ZBTB40: variants seen among roughly 807,000 people sequenced by gnomAD.
The protein encoded by ZBTB40 is zinc finger and BTB domain-containing protein 40.
A neutral mutation model predicts 117.5 loss-of-function variants in ZBTB40; 60 were observed. The observed-to-expected ratio is 0.51, with a 90% CI of 0.41 to 0.63. The LOEUF (loss-of-function observed/expected upper bound fraction) is 0.63, where lower values mean the gene tolerates loss of function less well. ZBTB40 is among the 30% of genes least tolerant of loss of function. ZBTB40 has a pLI of 0.00. For missense variants in ZBTB40, 1,287 were observed against 1,498.5 expected (o/e 0.86, Z 2.33); for synonymous variants, 525 against 577.1 (o/e 0.91, Z 1.29).
chr1:22,524,866 T>C (rs1639634917), intron 17 of ZBTB40, among the ~76,000 whole-genome samples: 1 of 152,164 alleles, frequency 6.6e-6, no homozygotes, highest in South Asian at 2.1e-4. Flanking sequence ...CACCTTTACC[T>C]GGGCAAAAAA....
chr1:22,453,330 T>C (rs112951060), intron 1 of ZBTB40, among the ~76,000 whole-genome samples: 1 of 152,214 alleles, frequency 6.6e-6, no homozygotes, highest in African/African-American at 2.4e-5. Flanking sequence ...GAACACCCCA[T>C]GCATGTACGC....
At chr1:22,464,961 G>C (rs1276604321) in intron 1 of ZBTB40, among the ~76,000 whole-genome samples, 6 of 152,148 alleles carry the variant, frequency 3.9e-5, no homozygotes, top group African/African-American at 1.4e-4. Context: ...GGGATCTTTA[G>C]GGTGTCGATT....
chr1:22,512,091 A>AGTG lies in ZBTB40; in HGVS notation c.2419_2421dup (p.Val807dup), dbSNP rs1557518403. 1 of 1,613,792 alleles carries AGTG rather than the reference A, an allele frequency of 6.2e-7. No individual in the cohort carries two copies. Among genetic ancestry groups the AGTG allele is most frequent in the Non-Finnish European group, 8.5e-7 (1 of 1,180,042 alleles). On this transcript the variant is annotated inframe_insertion, in exon 11 of 18. Transcript: ENST00000375647. ...CCAAGAAGAAGAAGAAGAGGCTTCC[A>AGTG]GTGACATGTGACCTCTGTGGCAGAG...
intron 5 of ZBTB40, among the ~76,000 whole-genome samples, chr1:22,503,501 G>C (rs1001739620): frequency 2.0e-5 from 3 of 152,146 alleles, no homozygotes; most frequent in Non-Finnish European, 2.9e-5. Context: ...GTGTTCAGGA[G>C]AGAAAACGTT....
rs1259339050 is a variant in ZBTB40, at chr1:22,491,432, C to A, written c.730C>A (p.Leu244Ile). 6.2e-7 allele frequency: 1 copy of A among 1,613,942 alleles called. No individual in the cohort carries two copies. The highest frequency in any genetic ancestry group is 1.7e-5 in the Admixed American group (1 of 60,020). Residue 244 changes from leucine (L) to isoleucine (I), a missense_variant, in exon 3 of 18, where the codon CTT (leucine) becomes ATT (isoleucine). Leu to Ile is a conservative substitution (Grantham distance 5, BLOSUM62 2). Around this residue, in one of 2 missense-constraint regions of ZBTB40, gnomAD observed 870 missense variants for 934.4 expected, o/e 0.93. Transcript: ENST00000375647. ...CERKHYQLNFLLENEGVFSDA... is the reference protein window; with the variant it reads ...CERKHYQLNFILENEGVFSDA... ...AAGGAAACACTACCAGCTGAATTTT[C>A]TTCTAGAAAATGAAGGTGTCTTCTC...
At chr1:22,486,095 C>G (rs930711169) in intron 1 of ZBTB40, among the ~76,000 whole-genome samples, 2 of 151,858 alleles carry the variant, frequency 1.3e-5, no homozygotes, top group African/African-American at 4.8e-5. Context: ...TGGGTTTTGT[C>G]TGTTTGTTTG....
chr1:22,464,764 T>C (rs1641212750), intron 1 of ZBTB40, among the ~76,000 whole-genome samples: 2 of 152,230 alleles, frequency 1.3e-5, no homozygotes, highest in Non-Finnish European at 1.5e-5. Context: ...TTAAACCAAA[T>C]TGGAATTATA....
At chr1:22,495,464 C>T (rs554788474) in intron 3 of ZBTB40, among the ~76,000 whole-genome samples, 1 of 152,138 alleles carries the variant, frequency 6.6e-6, no homozygotes, top group South Asian at 2.1e-4. Context: ...TAGAGCCAGA[C>T]TCATACTTTT....
At chr1:22,442,800 A>G (rs764597522) in intron 1 of ZBTB40, among the ~76,000 whole-genome samples, 5 of 152,138 alleles carry the variant, frequency 3.3e-5, no homozygotes, top group African/African-American at 9.7e-5. Context: ...TATCTCCTAT[A>G]TGGTTGTTCT....
At chr1:22,460,321 T>C (rs1454705065) in intron 1 of ZBTB40, among the ~76,000 whole-genome samples, 3 of 152,232 alleles carry the variant, frequency 2.0e-5, no homozygotes, top group Admixed American at 2.0e-4. Context: ...TGGGTCATAG[T>C]ACTTGGTTCT....
At chr1:22,430,513 C>T (rs1283752987) in intron 1 of ZBTB40, among the ~76,000 whole-genome samples, 1 of 152,138 alleles carries the variant, frequency 6.6e-6, no homozygotes, top group African/African-American at 2.4e-5. Context: ...ATTGCTTGAG[C>T]CTGGGAGGCC....
chr1:22,461,192 C>T (rs1321785278), intron 1 of ZBTB40, among the ~76,000 whole-genome samples: 3 of 152,098 alleles, frequency 2.0e-5, no homozygotes, highest in African/African-American at 4.8e-5. Flanking sequence ...TCAGTTTGAC[C>T]ACTCTAGACA....
In ZBTB40 at chr1:22,433,155, C is replaced by T. The variant is rs192938405; in HGVS notation, c.-70+4141C>T. On this transcript the variant is annotated intron_variant, in intron 1 of 8. Transcript: ENST00000650433. ...ATCATAGAAAATAAGACAGCTAGGC[C>T]GGGTGTGGTGGCTCACACCTGTAAT... Among the ~76,000 whole-genome samples the T allele has an allele frequency of 1.9e-4, 29 of 151,926 alleles. No homozygotes were observed. In the East Asian group the frequency reaches 4.9e-3, roughly 25 times the overall value.
At chr1:22,474,683 G>A (rs1018654552) in intron 1 of ZBTB40, among the ~76,000 whole-genome samples, 1 of 152,160 alleles carries the variant, frequency 6.6e-6, no homozygotes, top group African/African-American at 2.4e-5. Flanking sequence ...TAGCCATGAG[G>A]TTAAAACAGA....
At chr1:22,438,568 C>T in intron 1 of ZBTB40, among the ~76,000 whole-genome samples, 1 of 152,230 alleles carries the variant, frequency 6.6e-6, no homozygotes, top group East Asian at 1.9e-4. Flanking sequence ...TATGGTAATC[C>T]TATTTTTAAC....
chr1:22,501,415 C>T (rs1490414749), intron 3 of ZBTB40, 77 bp from the exon 4 acceptor site: 23 of 1,526,214 alleles, frequency 1.5e-5, no homozygotes, highest in Middle Eastern at 1.7e-4. Context: ...CTGTTGAGGA[C>T]CTTGTTTGCC....
chr1:22,528,531 C>T lies in ZBTB40; in HGVS notation c.*2135C>T, dbSNP rs181400399. ...TTTCAAGCACTGAGAAATTCTTTCT[C>T]AGGTTTCTTTTTTTGGGGGAGACAG... On this transcript the variant is annotated 3_prime_UTR_variant, in exon 18 of 18. Transcript: ENST00000375647. 1.1e-4 allele frequency: 17 copies of T among 152,360 alleles called. No individual in the cohort carries two copies. Among genetic ancestry groups the T allele is most frequent in the African/African-American group, 4.1e-4 (17 of 41,530 alleles). The allele number at this position is 152,360 out of a possible 1,614,324, so 9.4% of individuals were successfully genotyped here. A position where few individuals can be genotyped will look rare whatever the true frequency, so the allele number is the denominator to read the frequency against.
intron 12 of ZBTB40, among the ~76,000 whole-genome samples, chr1:22,514,589 C>A (rs1639327597): frequency 6.6e-6 from 1 of 152,218 alleles, no homozygotes; most frequent in African/African-American, 2.4e-5. Context: ...CACTTCCTCA[C>A]CTCCTTTGAG....
intron 1 of ZBTB40, among the ~76,000 whole-genome samples, chr1:22,476,009 A>G (rs946377235): frequency 1.3e-5 from 2 of 152,216 alleles, no homozygotes; most frequent in African/African-American, 2.4e-5. Context: ...AGTAGCGGCA[A>G]AGGCTTTTGT....
Sources: allele counts gnomAD v4.1 joint callset (sites outside exome capture counted in the v4.1 genomes callset), GRCh38; gene constraint gnomAD v4.1.1; regional missense constraint gnomAD v4.1.1; transcripts MANE v1.5; gene names NCBI Gene and HGNC (gene_info 2026-07-23, HGNC 2026-07-21).